The following ATP8A1 variants were observed in gnomAD, a reference collection of about 807,000 sequenced individuals.
ATP8A1 encodes phospholipid-transporting ATPase IA.
Under a neutral mutation model 177.7 loss-of-function variants are expected in ATP8A1, and 90 were observed. The observed-to-expected ratio is 0.51, with a 90% confidence interval of 0.43 to 0.60. ATP8A1 has a LOEUF of 0.60. ATP8A1 is among the 20% of genes least tolerant of loss of function. The probability of loss-of-function intolerance (pLI) is 0.00; values close to 1 mark genes in which losing one functional copy is unlikely to be tolerated. For synonymous variants in ATP8A1, 493 were observed against 485.9 expected (o/e 1.01, Z -0.19); for missense variants, 1,072 against 1,392.8 (o/e 0.77, Z 3.67).
At chr4:42,455,442 T>C (rs1718375182) in intron 28 of ATP8A1, 23 bp from the exon 29 acceptor site, 2 of 1,613,738 alleles carry the variant, frequency 1.2e-6, no homozygotes, top group African/African-American at 2.7e-5. Flanking sequence ...AACTGGTCAT[T>C]ATGTCAAGCA....
At chr4:42,423,498 G>T in intron 34 of ATP8A1, 119 bp downstream of exon 34, 1 of 529,818 alleles carries the variant, frequency 1.9e-6, no homozygotes, top group Non-Finnish European at 3.1e-6. Context: ...TTAAAATTAA[G>T]TAATATTACC....
intron 16 of ATP8A1, among the ~76,000 whole-genome samples, chr4:42,553,968 G>T (rs964707577): frequency 1.8e-4 from 28 of 152,296 alleles, no homozygotes; most frequent in African/African-American, 5.1e-4. Flanking sequence ...GGAAAAAAAC[G>T]ATGTGTTTTA....
At chr4:42,615,166 T>C (rs1736776777) in intron 5 of ATP8A1, among the ~76,000 whole-genome samples, 1 of 152,222 alleles carries the variant, frequency 6.6e-6, no homozygotes, top group Non-Finnish European at 1.5e-5. Context: ...ATACTCTCAG[T>C]AAATATTTTG....
chr4:42,624,673 A>G, intron 3 of ATP8A1, 39 bp from the exon 4 acceptor site: 1 of 1,131,790 alleles, frequency 8.8e-7, no homozygotes, highest in Non-Finnish European at 1.2e-6. Flanking sequence ...TCCAATGAGA[A>G]CTAGAAAATT....
At position 42,443,565 on chromosome 4, in the gene ATP8A1, C is replaced by A. The variant is rs766331746; in HGVS notation, c.3123G>T (p.Glu1041Asp). The A allele has an allele frequency of 1.7e-6, 2 of 1,189,860 alleles. No homozygotes were observed. Among genetic ancestry groups the A allele is most frequent in the Non-Finnish European group, 2.5e-6 (2 of 793,520 alleles). The allele number at this position is 1,189,860 out of a possible 1,614,324, so 73.7% of individuals were successfully genotyped here. The part of the protein sequence containing the change: ...AIPMAPDMSG[E>D]AAMLFSSGVF... Reference sequence around the variant, plus strand: ...ATTGTGAGTTATTAGCGCACATTACCTCTCCTGACATATCAGGGGCCATCG... The same window carrying A: ...ATTGTGAGTTATTAGCGCACATTACATCTCCTGACATATCAGGGGCCATCG... Residue 1041 changes from glutamate (E) to aspartate (D), a missense_variant and splice_region_variant, in exon 33 of 37, where the codon GAG (glutamate) becomes GAT (aspartate). Glu to Asp is a conservative substitution (Grantham distance 45). This residue lies in a region of ATP8A1 where 316 missense variants were observed against 459.1 expected (regional missense o/e 0.69). Coordinates refer to ENST00000381668, the MANE Select transcript of ATP8A1 (RefSeq NM_006095.2).
At chr4:42,593,004 A>C (rs1734345893) in intron 6 of ATP8A1, among the ~76,000 whole-genome samples, 1 of 152,138 alleles carries the variant, frequency 6.6e-6, no homozygotes, top group Admixed American at 6.5e-5. Flanking sequence ...TCTGTAAGGT[A>C]CTCTTAAAGC....
intron 33 of ATP8A1, among the ~76,000 whole-genome samples, chr4:42,435,447 AAACAAAAAAAAAAAAAC>A (rs1715843262): frequency 9.0e-5 from 5 of 55,816 alleles, no homozygotes; most frequent in African/African-American, 4.0e-4. Flanking sequence ...AAAAAAAAAA[AAACAAAAAAAAAAAAAC>A]AAACTATCTC....
At chr4:42,568,528 G>A (rs547672032) in intron 15 of ATP8A1, among the ~76,000 whole-genome samples, 74 of 152,162 alleles carry the variant, frequency 4.9e-4, no homozygotes, top group African/African-American at 1.7e-3. Flanking sequence ...TCACAAAGGG[G>A]AGGAATTTTA....
At chr4:42,644,786 G>A (rs1459107936) in intron 1 of ATP8A1, among the ~76,000 whole-genome samples, 1 of 151,468 alleles carries the variant, frequency 6.6e-6, no homozygotes, top group Admixed American at 6.6e-5. Flanking sequence ...GGGAAGGCAG[G>A]TAAATTGGGA....
intron 1 of ATP8A1, among the ~76,000 whole-genome samples, chr4:42,627,554 T>C (rs1016840964): frequency 6.6e-6 from 1 of 152,318 alleles, no homozygotes; most frequent in African/African-American, 2.4e-5. Flanking sequence ...AGATAAATAG[T>C]AAGGTTTAAA....
At chr4:42,630,020 A>C (rs553068947) in intron 1 of ATP8A1, among the ~76,000 whole-genome samples, 2 of 152,358 alleles carry the variant, frequency 1.3e-5, no homozygotes, top group African/African-American at 4.8e-5. Context: ...AGGTGAAAAC[A>C]CATTTGCTAC....
chr4:42,608,655 G>A (rs1248168704), intron 5 of ATP8A1, among the ~76,000 whole-genome samples: 2 of 152,144 alleles, frequency 1.3e-5, no homozygotes, highest in Admixed American at 1.3e-4. Context: ...ACCGCACCCA[G>A]CCTATCATTT....
At chr4:42,576,475 CAAAAAAAAAAAAAA>C (rs1159794343) in intron 12 of ATP8A1, among the ~76,000 whole-genome samples, 886 of 32,484 alleles carry the variant, frequency 0.027, 21 homozygotes, top group South Asian at 0.067. Context: ...GACGCCGTCT[CAAAAAAAAAAAAAA>C]AAAAAAAAAA....
intron 36 of ATP8A1, among the ~76,000 whole-genome samples, chr4:42,414,005 G>T (rs1410834454): frequency 6.6e-6 from 1 of 152,246 alleles, no homozygotes; most frequent in Non-Finnish European, 1.5e-5. Context: ...CCCCCAAGGG[G>T]ATCACATCTT....
intron 30 of ATP8A1, among the ~76,000 whole-genome samples, chr4:42,449,158 T>G (rs1717660106): frequency 6.6e-6 from 1 of 152,194 alleles, no homozygotes; most frequent in Admixed American, 6.5e-5. Context: ...TGAATGGATC[T>G]TTTACCCATG....
intron 29 of ATP8A1, among the ~76,000 whole-genome samples, chr4:42,452,536 A>T (rs954597048): frequency 6.6e-6 from 1 of 152,194 alleles, no homozygotes; most frequent in Non-Finnish European, 1.5e-5. Context: ...TATTCTCTGC[A>T]GGGTATCAAG....
chr4:42,517,102 C>T (rs985416767), intron 22 of ATP8A1, among the ~76,000 whole-genome samples: 1 of 148,974 alleles, frequency 6.7e-6, no homozygotes, highest in South Asian at 2.1e-4. Context: ...GAGATCGAGA[C>T]CATCCTGGCC....
intron 22 of ATP8A1, among the ~76,000 whole-genome samples, chr4:42,511,376 T>C (rs998034156): frequency 6.6e-6 from 1 of 152,222 alleles, no homozygotes; most frequent in African/African-American, 2.4e-5. Context: ...CTAGGGGAAT[T>C]ACATATTCAG....
chr4:42,545,523 G>C (rs1190657533), intron 19 of ATP8A1, among the ~76,000 whole-genome samples: 1 of 152,188 alleles, frequency 6.6e-6, no homozygotes, highest in Admixed American at 6.5e-5. Flanking sequence ...CCAACTGGGT[G>C]CTCCTTACTG....
Sources: gnomAD v4.1 joint callset for allele counts (sites outside exome capture counted in the v4.1 genomes callset) on GRCh38, gnomAD v4.1.1 for gene constraint, gnomAD v4.1.1 regional missense constraint, MANE v1.5 for transcripts, NCBI Gene and HGNC (gene_info 2026-07-23, HGNC 2026-07-21) for gene names.